The following CDH18 variants were observed in gnomAD, a reference collection of about 807,000 sequenced individuals.
CDH18 encodes cadherin-18.
In CDH18, 31 loss-of-function variants were observed where a neutral mutation model predicts 67.9. The observed-to-expected ratio is 0.46, with a 90% CI of 0.34 to 0.62. The LOEUF is 0.62. Among genes scored for constraint, CDH18 ranks in the 20% least tolerant of loss-of-function variants. The pLI, the probability that CDH18 is intolerant of heterozygous loss-of-function variation, is 0.01. For synonymous variants in CDH18, 362 were observed against 347.2 expected (o/e 1.04, Z -0.48); for missense variants, 890 against 975.5 (o/e 0.91, Z 1.17).
rs990393195 is a variant in CDH18, at chr5:20,387,340, G to A, written c.-579-131835C>T. On this transcript the variant is annotated intron_variant, in intron 1 of 14. Coordinates refer to the CDH18 transcript ENST00000507958. ...TTCTCTTTGAAGCAACTGTGAATGG[G>A]AGTTCACTCATGATTTGGTTCTCTC... 3.3e-5 allele frequency among the ~76,000 whole-genome samples: 5 copies of A among 152,200 alleles called. No homozygotes were observed. In the South Asian group the frequency reaches 8.3e-4, roughly 25 times the overall value.
intron 1 of CDH18, among the ~76,000 whole-genome samples, chr5:20,301,635 A>C (rs1735917109): frequency 6.6e-6 from 1 of 152,220 alleles, no homozygotes; most frequent in Non-Finnish European, 1.5e-5. Context: ...ACTCTTCTGA[A>C]ATAGAACAAC....
intron 6 of CDH18, among the ~76,000 whole-genome samples, chr5:19,605,075 C>G (rs1747817758): frequency 6.6e-6 from 1 of 151,922 alleles, no homozygotes; most frequent in African/African-American, 2.4e-5. Context: ...ACATACCTAC[C>G]TAAACAAAAT....
intron 1 of CDH18, among the ~76,000 whole-genome samples, chr5:20,440,789 A>G: frequency 6.6e-6 from 1 of 152,150 alleles, no homozygotes; most frequent in South Asian, 2.1e-4. Flanking sequence ...TTTATTTAGT[A>G]AATAGCATTG....
At chr5:19,497,496 A>G (rs150318415) in intron 11 of CDH18, among the ~76,000 whole-genome samples, 1 of 152,314 alleles carries the variant, frequency 6.6e-6, no homozygotes, top group Non-Finnish European at 1.5e-5. Context: ...TAAAGAAGAC[A>G]TTTGTTCTGC....
intron 1 of CDH18, among the ~76,000 whole-genome samples, chr5:20,294,681 C>A (rs1747352691): frequency 1.3e-5 from 2 of 152,102 alleles, no homozygotes; most frequent in Non-Finnish European, 2.9e-5. Context: ...CCTAATCTTA[C>A]CTTGTCTTAA....
chr5:19,709,699 AAAAAGAAAAG>A (rs1207436239), intron 5 of CDH18, among the ~76,000 whole-genome samples: 9 of 151,792 alleles, frequency 5.9e-5, no homozygotes, highest in Admixed American at 3.9e-4. Flanking sequence ...GAAAAGGAAA[AAAAAGAAAAG>A]AAAAGAAAAG....
At chr5:19,820,130 T>C (rs534513417) in intron 3 of CDH18, among the ~76,000 whole-genome samples, 127 of 152,198 alleles carry the variant, frequency 8.3e-4, no homozygotes, top group African/African-American at 3.0e-3. Context: ...CTCAGAACAT[T>C]GAAACCAATG....
intron 3 of CDH18, among the ~76,000 whole-genome samples, chr5:19,752,648 T>C (rs980924191): frequency 5.3e-5 from 8 of 152,146 alleles, no homozygotes; most frequent in African/African-American, 1.4e-4. Context: ...GGGCCCCACC[T>C]GCCATGGGTT....
At chr5:19,651,153 G>A (rs1755512497) in intron 5 of CDH18, among the ~76,000 whole-genome samples, 1 of 151,962 alleles carries the variant, frequency 6.6e-6, no homozygotes, top group African/African-American at 2.4e-5. Context: ...TCTCAAACAA[G>A]TTATTATGGA....
intron 1 of CDH18, among the ~76,000 whole-genome samples, chr5:20,570,771 C>T (rs1361595190): frequency 1.3e-5 from 2 of 152,098 alleles, no homozygotes; most frequent in Non-Finnish European, 2.9e-5. Context: ...CATCTGAAGT[C>T]ATATCTAAGC....
chr5:19,528,394 C>A (rs1748071854), intron 9 of CDH18, among the ~76,000 whole-genome samples: 1 of 151,158 alleles, frequency 6.6e-6, no homozygotes, highest in African/African-American at 2.4e-5. Context: ...TCTGGGTGTG[C>A]AATCTAATTA....
intron 2 of CDH18, among the ~76,000 whole-genome samples, chr5:19,862,381 C>A (rs1784999017): frequency 6.6e-6 from 1 of 152,138 alleles, no homozygotes; most frequent in Non-Finnish European, 1.5e-5. Context: ...ACTGTATCAA[C>A]TGTTCCTGTT....
At chr5:20,201,495 G>GT (rs149554399) in intron 2 of CDH18, among the ~76,000 whole-genome samples, 5,521 of 150,052 alleles carry the variant, frequency 0.037, 342 homozygotes, top group African/African-American at 0.12. Flanking sequence ...AGAGTGAAGT[G>GT]TTTTTTTTTG....
chr5:19,736,503 T>C (rs1768347198), intron 4 of CDH18, among the ~76,000 whole-genome samples: 1 of 152,316 alleles, frequency 6.6e-6, no homozygotes, highest in Admixed American at 6.5e-5. Flanking sequence ...TTTTGTAATA[T>C]ATATTCTTAT....
At chr5:19,985,039 T>C (rs1799419850) in intron 1 of CDH18, among the ~76,000 whole-genome samples, 1 of 152,156 alleles carries the variant, frequency 6.6e-6, no homozygotes, top group East Asian at 1.9e-4. Context: ...TATTTATTAT[T>C]TATATTAAAG....
intron 1 of CDH18, among the ~76,000 whole-genome samples, chr5:20,558,216 G>C (rs1004397987): frequency 2.0e-5 from 3 of 151,904 alleles, no homozygotes; most frequent in Non-Finnish European, 2.9e-5. Context: ...TTAACACTTG[G>C]GCATTTACAA....
intron 3 of CDH18, among the ~76,000 whole-genome samples, chr5:19,782,555 G>T (rs1001329116): frequency 1.3e-5 from 2 of 152,072 alleles, no homozygotes; most frequent in Admixed American, 6.6e-5. Context: ...ATGAAAAGAC[G>T]TATACTTAAG....
intron 2 of CDH18, among the ~76,000 whole-genome samples, chr5:20,154,077 C>A (rs964512925): frequency 6.6e-6 from 1 of 152,170 alleles, no homozygotes; most frequent in African/African-American, 2.4e-5. Flanking sequence ...CAGTAACAGG[C>A]CGTTACATTT....
rs188568033 is a variant in CDH18, at chr5:19,477,237, A to G, written c.1883-3521T>C. On this transcript the variant is annotated intron_variant, in intron 12 of 12. Transcript: ENST00000382275. ...TATGTCAGGACATCAGGGCAAATGC[A>G]GACATAGGATCCCTCTAGTTAAAGA... Among the ~76,000 whole-genome samples, 139 of 151,500 alleles carry G rather than the reference A, an allele frequency of 9.2e-4. 1 individual carries two copies. The highest frequency in any genetic ancestry group is 1.8e-3 in the Non-Finnish European group (120 of 67,784).
Sources: gnomAD v4.1 joint callset for allele counts (sites outside exome capture counted in the v4.1 genomes callset) on GRCh38, gnomAD v4.1.1 for gene constraint, MANE v1.5 for transcripts, NCBI Gene and HGNC (gene_info 2026-07-23, HGNC 2026-07-21) for gene names.